CDC5L: variants seen among roughly 807,000 people sequenced by gnomAD.
CDC5L encodes the protein cell division cycle 5 like.
A neutral mutation model predicts 104.1 loss-of-function variants in CDC5L; 18 were observed. The ratio of observed to expected loss-of-function variants is 0.17; its 90% CI spans 0.12 to 0.26. CDC5L has a LOEUF of 0.26. Among genes scored for constraint, CDC5L ranks in the 10% least tolerant of loss-of-function variants. The pLI, the probability that CDC5L is intolerant of heterozygous loss-of-function variation, is 1.00. For synonymous variants in CDC5L, 331 were observed against 322.7 expected (o/e 1.03, Z -0.28); for missense variants, 673 against 956.9 (o/e 0.70, Z 3.91).
At chr6:44,402,445 T>C (rs1249893733) in intron 5 of CDC5L, among the ~76,000 whole-genome samples, 1 of 152,250 alleles carries the variant, frequency 6.6e-6, no homozygotes, top group Non-Finnish European at 1.5e-5. Context: ...GAGACTTTAA[T>C]TGGTTGTTTT....
At chr6:44,429,585 C>T (rs1302968597) in intron 13 of CDC5L, 128 bp from the exon 14 acceptor site, 8 of 720,134 alleles carry the variant, frequency 1.1e-5, no homozygotes, top group Non-Finnish European at 1.9e-5. Flanking sequence ...ATCCACCCTT[C>T]CAAAAAACAA....
intron 8 of CDC5L, among the ~76,000 whole-genome samples, chr6:44,418,842 TTTG>T (rs1428372732): frequency 0.013 from 1,113 of 82,746 alleles, 15 homozygotes; most frequent in African/African-American, 0.033. Flanking sequence ...GATGTGGTTG[TTTG>T]TTTTTTTTTT....
At chr6:44,388,167 G>GCCCCCCCCCCCCCCCCCCCCCCCCC (rs1221094156) in intron 1 of CDC5L, among the ~76,000 whole-genome samples, 1 of 17,548 alleles carries the variant, frequency 5.7e-5, no homozygotes, top group African/African-American at 2.4e-4. Flanking sequence ...GCCCCCCCCG[G>GCCCCCCCCCCCCCCCCCCCCCCCCC]CCCCGGGAAG....
At chr6:44,433,883 A>G (rs1048403850) in intron 14 of CDC5L, among the ~76,000 whole-genome samples, 10 of 152,198 alleles carry the variant, frequency 6.6e-5, no homozygotes, top group African/African-American at 1.9e-4. Context: ...AATTTCCTTA[A>G]TACTTTAAAG....
chr6:44,443,367 C>A (rs1158523843), intron 14 of CDC5L, among the ~76,000 whole-genome samples: 2 of 151,592 alleles, frequency 1.3e-5, no homozygotes. Flanking sequence ...GTCTTTTGGG[C>A]TTCCTGGATC....
intron 14 of CDC5L, among the ~76,000 whole-genome samples, chr6:44,444,678 G>A (rs1178800350): frequency 6.6e-6 from 1 of 152,188 alleles, no homozygotes; most frequent in African/African-American, 2.4e-5. Context: ...CTCCCAGGGA[G>A]TGTAGCCCTA....
At chr6:44,408,331 G>A in intron 7 of CDC5L, 113 bp from the exon 8 acceptor site, 1 of 666,894 alleles carries the variant, frequency 1.5e-6, no homozygotes, top group Non-Finnish European at 2.5e-6. Flanking sequence ...CGAACTCCTG[G>A]GCTCAAACAG....
rs1791254091 is a variant in CDC5L, at chr6:44,404,090, A to G, written c.758+63A>G. The G allele has an allele frequency of 8.7e-6, 10 of 1,148,886 alleles. No homozygotes were observed. In the East Asian group the frequency reaches 2.4e-4, roughly 28 times the overall value. 71.2% of individuals were successfully genotyped at this position (1,148,886 alleles called of 1,614,324 possible). ...AGTAGGAGGAGTCTTACGAAGGGCC[A>G]AGTATTATCCTTGTCAGAGCCAGAT... is the stretch of plus-strand genomic sequence containing the variant. On this transcript the variant is annotated intron_variant, in intron 6 of 15. Transcript: ENST00000371477.
At position 44,411,637 on chromosome 6, in the gene CDC5L, A is replaced by AGAGAGAGAGAGAGTGTGTGT; in HGVS notation, c.1092+3006_1092+3007insAGAGAGAGAGAGTGTGTGTG. The stretch of plus-strand genomic sequence containing the variant: ...GAGAGAGAGAGAGAGAGAGAGAGAG[A>AGAGAGAGAGAGAGTGTGTGT]GTGTGTGTGTGTGTGTGACTAAAAA... On this transcript the variant is annotated intron_variant, in intron 8 of 15. Coordinates refer to ENST00000371477, the MANE Select transcript of CDC5L (RefSeq NM_001253.4). Among the ~76,000 whole-genome samples, 3 of 123,744 alleles carry AGAGAGAGAGAGAGTGTGTGT rather than the reference A, an allele frequency of 2.4e-5. 1 individual carries two copies. In the East Asian group the frequency reaches 1.6e-3, roughly 67 times the overall value. The allele number at this position is 123,744 out of a possible 152,430, so 81.2% of individuals were successfully genotyped here.
At chr6:44,396,726 C>G (rs1316737692) in intron 5 of CDC5L, among the ~76,000 whole-genome samples, 1 of 152,140 alleles carries the variant, frequency 6.6e-6, no homozygotes, top group Non-Finnish European at 1.5e-5. Flanking sequence ...GCTTGTGTTT[C>G]TGACCAGCGA....
intron 6 of CDC5L, 67 bp from the exon 7 acceptor site, chr6:44,406,256 G>T (rs962343807): frequency 1.7e-6 from 2 of 1,182,402 alleles, no homozygotes; most frequent in Non-Finnish European, 1.2e-6. Context: ...TTGAGTATTT[G>T]TATGGATTTT....
chr6:44,389,111 A>G (rs1172210722), intron 1 of CDC5L, among the ~76,000 whole-genome samples: 2 of 152,210 alleles, frequency 1.3e-5, no homozygotes, highest in Admixed American at 6.5e-5. Flanking sequence ...AACATGAAGT[A>G]GGTTGCTCGA....
At chr6:44,410,587 TCA>T (rs1026326826) in intron 8 of CDC5L, among the ~76,000 whole-genome samples, 12 of 152,358 alleles carry the variant, frequency 7.9e-5, no homozygotes, top group African/African-American at 2.9e-4. Context: ...TGGTTTTTGT[TCA>T]CAGTGTTGAA....
In CDC5L at chr6:44,422,704, A is replaced by G. The variant is rs1337053668; in HGVS notation, c.1299A>G (p.Pro433=). 2 of 1,613,214 alleles carry G rather than the reference A, an allele frequency of 1.2e-6. No individual in the cohort carries two copies. The highest frequency in any genetic ancestry group is 8.5e-7 in the Non-Finnish European group (1 of 1,179,288). The change falls in exon 10 of 16, where the codon CCA becomes CCG. Residue 433 remains proline (P), a synonymous_variant. Transcript: ENST00000371477. ...LTPRSGTTPK[P]VINSTPGRTP... The stretch of plus-strand genomic sequence containing the variant: ...CCCGGAGTGGAACAACTCCCAAACC[A>G]GTTATTAACTCTACTCCGGGTAGAA...
At chr6:44,394,525 G>A (rs2153374668) in intron 4 of CDC5L, among the ~76,000 whole-genome samples, 1 of 152,188 alleles carries the variant, frequency 6.6e-6, no homozygotes, top group Middle Eastern at 3.4e-3. Flanking sequence ...GAAAGTATAT[G>A]GAATCAACCT....
chr6:44,392,926 G>T, intron 3 of CDC5L, 98 bp downstream of exon 3: 3 of 1,099,420 alleles, frequency 2.7e-6, no homozygotes, highest in South Asian at 1.6e-5. Flanking sequence ...TTTTAATTAT[G>T]GATGTGAGTA....
At chr6:44,393,262 C>A (rs1403632597) in intron 3 of CDC5L, among the ~76,000 whole-genome samples, 184 bp from the exon 4 acceptor site, 1 of 146,918 alleles carries the variant, frequency 6.8e-6, no homozygotes, top group African/African-American at 2.5e-5. Context: ...TGAAACCAGT[C>A]ACTGAAATCA....
In CDC5L at chr6:44,397,264, C is replaced by T. The variant is rs117944402; in HGVS notation, c.539+824C>T. The stretch of plus-strand genomic sequence containing the variant: ...ATTTTAGGAGTTGCATTGTTGGAAA[C>T]GGATGAAGACCAAATACATTATTTC... On this transcript the variant is annotated intron_variant, in intron 5 of 15. Coordinates refer to ENST00000371477, the MANE Select transcript of CDC5L (RefSeq NM_001253.4). Among the ~76,000 whole-genome samples the T allele has an allele frequency of 5.5e-4, 83 of 152,284 alleles. 1 individual carries two copies. In the East Asian group the frequency reaches 0.014, roughly 25 times the overall value.
chr6:44,444,332 G>C (rs1360693735), intron 14 of CDC5L, among the ~76,000 whole-genome samples: 1 of 152,200 alleles, frequency 6.6e-6, no homozygotes, highest in East Asian at 1.9e-4. Context: ...GGAGATTCAG[G>C]AATGCAAAGC....
Sources: gnomAD v4.1 joint callset for allele counts (sites outside exome capture counted in the v4.1 genomes callset) on GRCh38, gnomAD v4.1.1 for gene constraint, MANE v1.5 for transcripts, NCBI Gene and HGNC (gene_info 2026-07-23, HGNC 2026-07-21) for gene names.